FRMPD4: variants seen among roughly 807,000 people sequenced by gnomAD.
FRMPD4 encodes FERM and PDZ domain-containing protein 4.
In FRMPD4, 22 loss-of-function variants were observed where a neutral mutation model predicts 94.1. The observed-to-expected ratio is 0.23, with a 90% CI of 0.17 to 0.33. The LOEUF is 0.33. FRMPD4 is among the 10% of genes least tolerant of loss of function. The probability of loss-of-function intolerance (pLI) is 1.00; values close to 1 mark genes in which losing one functional copy is unlikely to be tolerated. For missense variants in FRMPD4, 1,111 were observed against 1,339.9 expected (o/e 0.83, Z 2.67); for synonymous variants, 631 against 548.6 (o/e 1.15, Z -2.10).
intron 1 of FRMPD4, among the ~76,000 whole-genome samples, chrX:12,273,023 G>A (rs747729081): frequency 1.8e-5 from 2 of 109,002 alleles, no homozygotes; most frequent in East Asian, 2.9e-4. Flanking sequence ...GCTACAGTGA[G>A]CCAAGATTGC....
In FRMPD4 at chrX:12,563,712, G is replaced by A. The variant is rs72612890; in HGVS notation, c.159-46009G>A. ...AACACACAACTTTACCTGCCCATTGGAAACCCTTGGAATTTGGCTTTCCCC... is the reference window on the plus strand; with the variant it reads ...AACACACAACTTTACCTGCCCATTGAAAACCCTTGGAATTTGGCTTTCCCC... On this transcript the variant is annotated intron_variant, in intron 2 of 16. Coordinates refer to ENST00000675598, the MANE Select transcript of FRMPD4 (RefSeq NM_001368397.1). 7.1e-5 allele frequency among the ~76,000 whole-genome samples: 8 copies of A among 111,917 alleles called. No individual in the cohort carries two copies. The East Asian group carries it at 1.4e-3, about 19-fold the overall frequency.
chrX:11,984,401 G>A (rs1037519675), intron 3 of FRMPD4, among the ~76,000 whole-genome samples: 2 of 112,155 alleles, frequency 1.8e-5, no homozygotes, highest in Non-Finnish European at 3.8e-5. Context: ...AGATGATACT[G>A]GTAAAGCCGT....
chrX:12,686,132 A>C lies in FRMPD4; in HGVS notation c.609A>C (p.Pro203=). 8.4e-7 allele frequency: 1 copy of C among 1,189,582 alleles called. No individual in the cohort carries two copies. Residue 203 remains proline (P), a synonymous_variant, in exon 7 of 17, where the codon CCA becomes CCC. Coordinates refer to ENST00000675598, the MANE Select transcript of FRMPD4 (RefSeq NM_001368397.1). ...AGGACAACTCACTTCTTTTTATGCC[A>C]AATGTTTTGAAAGTCTATCTGGAAA... ...TVKDNSLLFM[P]NVLKVYLENG...
chrX:12,078,327 C>G (rs2055036811), intron 3 of FRMPD4, among the ~76,000 whole-genome samples: 1 of 112,208 alleles, frequency 8.9e-6, no homozygotes, highest in African/African-American at 3.2e-5. Flanking sequence ...AGCAACTTTT[C>G]CATTGTCTAT....
chrX:12,503,411 T>G (rs773276054), intron 2 of FRMPD4, among the ~76,000 whole-genome samples: 43 of 111,988 alleles, frequency 3.8e-4, no homozygotes, highest in Admixed American at 1.9e-3. Flanking sequence ...AGTGGGCAAT[T>G]AAACTGAGTT....
intron 4 of FRMPD4, among the ~76,000 whole-genome samples, chrX:12,615,538 G>A (rs750177443): frequency 2.1e-4 from 23 of 111,868 alleles, no homozygotes; most frequent in African/African-American, 7.1e-4. Flanking sequence ...TACCTCCTTA[G>A]TGAATTTAAG....
intron 3 of FRMPD4, among the ~76,000 whole-genome samples, chrX:12,035,849 G>C (rs1248843839): frequency 9.0e-6 from 1 of 111,687 alleles, no homozygotes; most frequent in East Asian, 2.8e-4. Context: ...TCTGTGCCTT[G>C]AAATGATAGG....
chrX:12,389,196 G>C (rs1345106932), intron 1 of FRMPD4, among the ~76,000 whole-genome samples: 1 of 109,877 alleles, frequency 9.1e-6, no homozygotes, highest in Non-Finnish European at 1.9e-5. Flanking sequence ...GAGAGTGGCT[G>C]GGCGCGGTGG....
At chrX:12,502,637 C>G (rs1342398664) in intron 2 of FRMPD4, among the ~76,000 whole-genome samples, 1 of 111,050 alleles carries the variant, frequency 9.0e-6, no homozygotes, top group Non-Finnish European at 1.9e-5. Context: ...TATTATAGAT[C>G]CAATCATAGA....
intron 1 of FRMPD4, among the ~76,000 whole-genome samples, chrX:12,189,858 T>C (rs1201013831): frequency 9.0e-6 from 1 of 111,224 alleles, no homozygotes; most frequent in African/African-American, 3.3e-5. Context: ...CTTTTTAACA[T>C]TGTACAGGAA....
At chrX:12,217,175 A>T (rs1163873519) in intron 1 of FRMPD4, among the ~76,000 whole-genome samples, 2 of 111,956 alleles carry the variant, frequency 1.8e-5, no homozygotes, top group African/African-American at 6.5e-5. Context: ...CCTTTATGTT[A>T]TCCCCTGGTT....
chrX:12,722,589 T>G lies in FRMPD4; in HGVS notation c.*731T>G, dbSNP rs896778589. 1 of 111,295 alleles carries G rather than the reference T, an allele frequency of 9.0e-6. No individual in the cohort carries two copies. The highest frequency in any genetic ancestry group is 1.9e-5 in the Non-Finnish European group (1 of 53,072). The allele number at this position is 111,295 out of a possible 1,213,427, so 9.2% of individuals were successfully genotyped here. A position where few individuals can be genotyped will look rare whatever the true frequency, so the allele number is the denominator to read the frequency against. ...AAGAACAGAGGGGATGATGGGCAGT[T>G]TCCTAGGTAACACCTAGAGTTATAG... On this transcript the variant is annotated 3_prime_UTR_variant, in exon 17 of 17. Transcript: ENST00000675598.
chrX:12,241,232 C>T lies in FRMPD4; in HGVS notation c.41+102220C>T, dbSNP rs189470848. Reference sequence around the variant, plus strand: ...CATTCCAAAGATTTATCTGTTTTGGCTTAAAATCAGGACAAGACTGACTCA... The same window carrying T: ...CATTCCAAAGATTTATCTGTTTTGGTTTAAAATCAGGACAAGACTGACTCA... On this transcript the variant is annotated intron_variant, in intron 1 of 16. Transcript: ENST00000675598. 3.8e-3 allele frequency among the ~76,000 whole-genome samples: 421 copies of T among 112,220 alleles called. 3 individuals carry two copies. Among genetic ancestry groups the T allele is most frequent in the Non-Finnish European group, 4.9e-3 (260 of 53,263 alleles).
chrX:12,553,466 A>ATATATATATATATATCTC (rs368999462), intron 2 of FRMPD4, among the ~76,000 whole-genome samples: 1 of 78,093 alleles, frequency 1.3e-5, no homozygotes, highest in African/African-American at 5.3e-5. Context: ...ATATATATAT[A>ATATATATATATATATCTC]TCTAATCCAC....
In FRMPD4 at chrX:12,463,694, TTTTG is replaced by T. The variant is rs1418217322; in HGVS notation, c.42-34982_42-34979del. 4.9e-3 allele frequency among the ~76,000 whole-genome samples: 471 copies of T among 96,599 alleles called. 9 individuals are homozygous for T. The highest frequency in any genetic ancestry group is 0.017 in the African/African-American group (452 of 26,442). 83.9% of individuals were successfully genotyped at this position (96,599 alleles called of 115,157 possible). The stretch of plus-strand genomic sequence containing the variant: ...TCCTATGTGTGTGTTTTTTTTTTGT[TTTTG>T]TTTTTTTTTTTTAACAGAGCATGAA... On this transcript the variant is annotated intron_variant, in intron 1 of 16. Coordinates refer to ENST00000675598, the MANE Select transcript of FRMPD4 (RefSeq NM_001368397.1).
intron 1 of FRMPD4, among the ~76,000 whole-genome samples, chrX:12,232,157 C>T (rs1279715368): frequency 9.0e-6 from 1 of 111,478 alleles, no homozygotes; most frequent in East Asian, 2.8e-4. Context: ...GAAGGTTTGC[C>T]ACGTTTTGTC....
chrX:12,688,688 G>A (rs2060051887), intron 7 of FRMPD4, among the ~76,000 whole-genome samples: 1 of 111,012 alleles, frequency 9.0e-6, no homozygotes, highest in Admixed American at 9.6e-5. Flanking sequence ...GCCACACAAA[G>A]GCTGGTTTTG....
intron 1 of FRMPD4, among the ~76,000 whole-genome samples, chrX:12,201,134 T>G (rs766901699): frequency 1.8e-5 from 2 of 112,323 alleles, no homozygotes; most frequent in Non-Finnish European, 3.8e-5. Context: ...AATCACATAT[T>G]TCCCTCATAT....
intron 3 of FRMPD4, among the ~76,000 whole-genome samples, chrX:11,903,962 TG>T (rs1304738931): frequency 3.6e-5 from 4 of 110,748 alleles, no homozygotes; most frequent in African/African-American, 1.3e-4. Context: ...TAATTTTTTT[TG>T]TAGTGATGGG....
Sources: allele counts gnomAD v4.1 joint callset (sites outside exome capture counted in the v4.1 genomes callset), GRCh38; gene constraint gnomAD v4.1.1; transcripts MANE v1.5; gene names NCBI Gene and HGNC (gene_info 2026-07-23, HGNC 2026-07-21).